CMTM4: variants seen among roughly 807,000 people sequenced by gnomAD.
CMTM4 encodes CKLF-like MARVEL transmembrane domain-containing protein 4.
Under a neutral mutation model 19.0 loss-of-function variants are expected in CMTM4, and 8 were observed. The observed-to-expected ratio is 0.42, with a 90% CI of 0.25 to 0.76. The LOEUF is 0.76. Among genes scored for constraint, CMTM4 ranks in the 30% least tolerant of loss-of-function variants. CMTM4 has a pLI of 0.27. For synonymous variants in CMTM4, 106 were observed against 121.1 expected (o/e 0.88, Z 0.82); for missense variants, 228 against 290.2 (o/e 0.79, Z 1.56).
intron 1 of CMTM4, among the ~76,000 whole-genome samples, chr16:66,651,530 T>C (rs2016310982): frequency 2.6e-5 from 4 of 152,172 alleles, no homozygotes. Flanking sequence ...CTCCATCGTG[T>C]GGCCAGGTCC....
intron 1 of CMTM4, among the ~76,000 whole-genome samples, chr16:66,667,900 A>G (rs2016630193): frequency 6.6e-6 from 1 of 152,148 alleles, no homozygotes; most frequent in East Asian, 1.9e-4. Flanking sequence ...AAAAAAAAGT[A>G]GTTACCATCT....
Position 66,622,314 on chromosome 16 carries a change from G to T in CMTM4, c.463-92C>A. 2.2e-6 allele frequency: 3 copies of T among 1,375,962 alleles called. No homozygotes were observed. Among genetic ancestry groups the T allele is most frequent in the Non-Finnish European group, 2.0e-6 (2 of 1,000,880 alleles). 85.2% of individuals were successfully genotyped at this position (1,375,962 alleles called of 1,614,324 possible). A position where few individuals can be genotyped will look rare whatever the true frequency, so the allele number is the denominator to read the frequency against. On this transcript the variant is annotated intron_variant, in intron 3 of 3. Transcript: ENST00000394106. This position sits in a 1 kb window ranked among gnomAD's most constrained non-coding sequence, Gnocchi z 4.0. ...CCCAAGCCACATGCAGCCCCTTCCT[G>T]CTCTGCCAGCTGATCATTACAACCC...
Position 66,683,180 on chromosome 16 carries a change from T to TAC in CMTM4, c.186+13159_186+13160insGT, listed in dbSNP as rs1491498902. On this transcript the variant is annotated intron_variant, in intron 1 of 3. Transcript: ENST00000394106. ...ATATACGTATATATATATATACATA[T>TAC]GTATATATATATACATATATATATA... Among the ~76,000 whole-genome samples, 218 of 85,426 alleles carry TAC rather than the reference T, an allele frequency of 2.6e-3. 1 individual carries two copies. The East Asian group carries it at 0.029, about 11-fold the overall frequency. The allele number at this position is 85,426 out of a possible 152,430, so 56.0% of individuals were successfully genotyped here.
At chr16:66,658,500 T>C (rs1410571494) in intron 1 of CMTM4, among the ~76,000 whole-genome samples, 2 of 152,162 alleles carry the variant, frequency 1.3e-5, no homozygotes, top group Non-Finnish European at 2.9e-5. Context: ...ACCAGTTTTA[T>C]CGCTCTGTGA....
At position 66,691,495 on chromosome 16, in the gene CMTM4, G is replaced by A. The variant is rs188055681; in HGVS notation, c.186+4845C>T. 1.1e-4 allele frequency among the ~76,000 whole-genome samples: 16 copies of A among 152,286 alleles called. No individual in the cohort carries two copies. In the East Asian group the frequency reaches 2.9e-3, roughly 28 times the overall value. Reference sequence around the variant, plus strand: ...GAGGAAGGATTGCTTGAGCTCACGAGTTTGAAACCAACCTGGGCAACACAG... The same window carrying A: ...GAGGAAGGATTGCTTGAGCTCACGAATTTGAAACCAACCTGGGCAACACAG... On this transcript the variant is annotated intron_variant, in intron 1 of 3. Transcript: ENST00000394106.
chr16:66,665,060 C>T (rs1344242170), intron 1 of CMTM4, among the ~76,000 whole-genome samples: 1 of 152,052 alleles, frequency 6.6e-6, no homozygotes, highest in Non-Finnish European at 1.5e-5. Context: ...CCTTCCACCT[C>T]AGCCTCCCTA....
chr16:66,648,582 C>T (rs1044173621), intron 1 of CMTM4, among the ~76,000 whole-genome samples: 4 of 151,696 alleles, frequency 2.6e-5, no homozygotes, highest in African/African-American at 7.3e-5. Context: ...CGCTTGAACC[C>T]GGGAGGCGGA....
At position 66,696,068 on chromosome 16, in the gene CMTM4, A is replaced by AGGGCG. The variant is rs2017227963; in HGVS notation, c.186+267_186+271dup. On this transcript the variant is annotated intron_variant, in intron 1 of 3. Transcript: ENST00000394106. This position sits in a 1 kb window ranked among gnomAD's most constrained non-coding sequence, Gnocchi z 4.3. ...GTAACGCCACAGACTCCCGGGAGCG[A>AGGGCG]GGGCGGAGCGGACAGGTAGGCCCGA... is the stretch of plus-strand genomic sequence containing the variant. Among the ~76,000 whole-genome samples, 2 of 152,150 alleles carry AGGGCG rather than the reference A, an allele frequency of 1.3e-5. No homozygotes were observed.
the CMTM4 span, chr16:66,604,773 A>G: frequency 2.4e-6 from 3 of 1,229,262 alleles, no homozygotes; most frequent in African/African-American, 1.6e-5. Flanking sequence ...GAGGGGAGCC[A>G]GGCCGAGCCC....
At chr16:66,686,660 T>C (rs2017039463) in intron 1 of CMTM4, among the ~76,000 whole-genome samples, 1 of 152,060 alleles carries the variant, frequency 6.6e-6, no homozygotes, top group South Asian at 2.1e-4. Context: ...CCCAGTTGTC[T>C]GTACTTGTGG....
the CMTM4 span, chr16:66,609,658 T>C: frequency 6.5e-7 from 1 of 1,526,828 alleles, no homozygotes; most frequent in Non-Finnish European, 8.8e-7. This position sits in a 1 kb window ranked among gnomAD's most constrained non-coding sequence, Gnocchi z 4.4. Flanking sequence ...CCGATGATGA[T>C]TCCAAAGTCC....
In CMTM4 at chr16:66,649,949, A is replaced by C. The variant is rs1297407154; in HGVS notation, c.187-13368T>G. Among the ~76,000 whole-genome samples, 4 of 152,290 alleles carry C rather than the reference A, an allele frequency of 2.6e-5. No individual in the cohort carries two copies. The East Asian group carries it at 7.7e-4, about 29-fold the overall frequency. On this transcript the variant is annotated intron_variant, in intron 1 of 3. Transcript: ENST00000394106. ...GGCACTTGGAGACTCTCTGTGCTTA[A>C]GGTCTCAGTTCCAGTCCAGCCAACA...
chr16:66,638,898 A>G (rs557203608), intron 1 of CMTM4, among the ~76,000 whole-genome samples: 10 of 149,978 alleles, frequency 6.7e-5, no homozygotes, highest in African/African-American at 2.5e-4. Context: ...CAAACAGAGT[A>G]GATTTTAAAT....
intron 1 of CMTM4, among the ~76,000 whole-genome samples, chr16:66,677,399 C>T (rs547600480): frequency 3.3e-5 from 5 of 152,360 alleles, no homozygotes; most frequent in African/African-American, 9.6e-5. Context: ...ACGGCAGCAG[C>T]GGCCTTGCAG....
At chr16:66,604,780 G>A in the CMTM4 span, 1 of 1,240,114 alleles carries the variant, frequency 8.1e-7, no homozygotes, top group Non-Finnish European at 1.0e-6. Flanking sequence ...GCCAGGCCGA[G>A]CCCCGGCCCT....
chr16:66,659,397 A>T (rs1567420340), intron 1 of CMTM4, among the ~76,000 whole-genome samples: 1 of 152,024 alleles, frequency 6.6e-6, no homozygotes, highest in African/African-American at 2.4e-5. Flanking sequence ...AAATCACACT[A>T]GAGAAAGCCA....
chr16:66,650,311 G>T (rs754626282), intron 1 of CMTM4, among the ~76,000 whole-genome samples: 25 of 152,284 alleles, frequency 1.6e-4, no homozygotes, highest in Non-Finnish European at 2.4e-4. Flanking sequence ...AAGTTTTCTG[G>T]CCAAAGAACC....
Position 66,696,189 on chromosome 16 carries a change from G to T in CMTM4, c.186+151C>A. On this transcript the variant is annotated intron_variant, in intron 1 of 3. Transcript: ENST00000394106. This position sits in a 1 kb window ranked among gnomAD's most constrained non-coding sequence, Gnocchi z 4.3. ...CGGGGTCCCCAGAGAAGGCTGCAGAGTGGTCCCGGGACCCCACGAGGGAGA... is the reference window on the plus strand; with the variant it reads ...CGGGGTCCCCAGAGAAGGCTGCAGATTGGTCCCGGGACCCCACGAGGGAGA... 6.4e-6 allele frequency: 3 copies of T among 467,656 alleles called. No homozygotes were observed. Among genetic ancestry groups the T allele is most frequent in the Non-Finnish European group, 1.0e-5 (3 of 298,944 alleles). 29.0% of individuals were successfully genotyped at this position (467,656 alleles called of 1,614,324 possible). A position where few individuals can be genotyped will look rare whatever the true frequency, so the allele number is the denominator to read the frequency against.
intron 1 of CMTM4, among the ~76,000 whole-genome samples, chr16:66,676,117 G>A (rs2016806073): frequency 1.3e-5 from 2 of 152,138 alleles, no homozygotes; most frequent in African/African-American, 4.8e-5. Context: ...TAGACAGTAA[G>A]GCAAAGTTAT....
Sources: gnomAD v4.1 joint callset for allele counts (sites outside exome capture counted in the v4.1 genomes callset) on GRCh38, gnomAD v4.1.1 for gene constraint, Gnocchi (gnomAD v3.1) non-coding constraint, MANE v1.5 for transcripts, NCBI Gene and HGNC (gene_info 2026-07-23, HGNC 2026-07-21) for gene names.